The following FAF2 variants were observed in gnomAD, a reference collection of about 807,000 sequenced individuals.
FAF2 encodes Fas associated factor family member 2.
A neutral mutation model predicts 62.3 loss-of-function variants in FAF2; 9 were observed. The observed-to-expected ratio is 0.14, with a 90% CI of 0.09 to 0.25. The LOEUF is 0.25. Among genes scored for constraint, FAF2 ranks in the 10% least tolerant of loss-of-function variants. FAF2 has a pLI of 1.00. For synonymous variants in FAF2, 202 were observed against 198.0 expected, an observed-to-expected ratio of 1.02 and a Z score of -0.17; for missense variants, 368 against 556.2, an observed-to-expected ratio of 0.66 and a Z score of 3.40.
In FAF2 at chr5:176,450,700, C is replaced by T. The variant is rs1015885007; in HGVS notation, c.63+2230C>T. Among the ~76,000 whole-genome samples, 6 of 152,042 alleles carry T rather than the reference C, an allele frequency of 3.9e-5. 1 individual carries two copies. The highest frequency in any genetic ancestry group is 3.9e-4 in the Admixed American group (6 of 15,244). On this transcript the variant is annotated intron_variant, in intron 1 of 10. Transcript: ENST00000261942. The stretch of plus-strand genomic sequence containing the variant: ...TCTCGAGTAGCTGGGACTACAGGCA[C>T]GCGCCACCACATCCAGCGAATTTTT...
At position 176,468,375 on chromosome 5, in the gene FAF2, G is replaced by A. The variant is rs1223566462; in HGVS notation, c.64-10813G>A. On this transcript the variant is annotated intron_variant, in intron 1 of 10. Transcript: ENST00000261942. ...CGAGGCAGGTGGATCACTAGGCCAGGAGATCAAGACCATCCTGGCTAACAC... is the reference window on the plus strand; with the variant it reads ...CGAGGCAGGTGGATCACTAGGCCAGAAGATCAAGACCATCCTGGCTAACAC... Among the ~76,000 whole-genome samples, 5 of 151,978 alleles carry A rather than the reference G, an allele frequency of 3.3e-5. No individual in the cohort carries two copies. In the East Asian group the frequency reaches 9.7e-4, roughly 29 times the overall value.
At position 176,451,849 on chromosome 5, in the gene FAF2, TATATATACACATATATATATACACAC is replaced by T. The variant is rs1476670622; in HGVS notation, c.63+3387_63+3412del. On this transcript the variant is annotated intron_variant, in intron 1 of 10. Coordinates refer to ENST00000261942, the MANE Select transcript of FAF2 (RefSeq NM_014613.3). Reference sequence around the variant, plus strand: ...ATATACATATATATATATACACACATATATATACACATATATATATACACACATATATATATATATATATTTTTTTT... The same window carrying T: ...ATATACATATATATATATACACACATATATATATATATATATATTTTTTTT... Among the ~76,000 whole-genome samples the T allele has an allele frequency of 3.0e-3, 143 of 47,286 alleles. 9 individuals are homozygous for T. Among genetic ancestry groups the T allele is most frequent in the African/African-American group, 9.5e-3 (96 of 10,104 alleles). The allele number at this position is 47,286 out of a possible 152,430, so 31.0% of individuals were successfully genotyped here.
At chr5:176,477,051 G>T (rs541716623) in intron 1 of FAF2, among the ~76,000 whole-genome samples, 190 of 149,342 alleles carry the variant, frequency 1.3e-3, no homozygotes, top group Non-Finnish European at 1.8e-3. Flanking sequence ...TTCGTGATCC[G>T]CCCGCCTCGG....
At chr5:176,473,456 T>C (rs1758608574) in intron 1 of FAF2, among the ~76,000 whole-genome samples, 1 of 152,216 alleles carries the variant, frequency 6.6e-6, no homozygotes. Context: ...GTTTTGGCCT[T>C]GATCACCTAG....
At chr5:176,496,044 A>G (rs1034539229) in intron 7 of FAF2, among the ~76,000 whole-genome samples, 2 of 152,224 alleles carry the variant, frequency 1.3e-5, no homozygotes, top group Admixed American at 6.5e-5. Flanking sequence ...TTTTTGTACC[A>G]TCAAGTAGAC....
intron 1 of FAF2, among the ~76,000 whole-genome samples, chr5:176,459,237 A>C (rs1213004073): frequency 6.7e-6 from 1 of 149,520 alleles, no homozygotes; most frequent in Non-Finnish European, 1.5e-5. Flanking sequence ...AGAAAGCCAA[A>C]ATTCCAGTTA....
chr5:176,485,863 G>A (rs748959705), intron 2 of FAF2, among the ~76,000 whole-genome samples: 10 of 151,954 alleles, frequency 6.6e-5, no homozygotes, highest in Admixed American at 3.3e-4. Context: ...GAGCCACCGC[G>A]CCTGACCTGA....
rs1287022459 is a variant in FAF2 at position 176,495,572 on chromosome 5, T to G, written c.662-914T>G. Among the ~76,000 whole-genome samples the G allele has an allele frequency of 2.0e-5, 3 of 150,628 alleles. No homozygotes were observed. In the East Asian group the frequency reaches 5.8e-4, roughly 29 times the overall value. ...TGTCACCCAGGTTGGAGTGCAGTGG[T>G]GCGATCTCAGTTCACTGCAGCCTCC... On this transcript the variant is annotated intron_variant, in intron 7 of 10. Transcript: ENST00000261942.
chr5:176,502,528 C>T (rs1477894677), intron 10 of FAF2, among the ~76,000 whole-genome samples: 2 of 151,454 alleles, frequency 1.3e-5, no homozygotes, highest in East Asian at 2.0e-4. Context: ...TGCGGTGAGC[C>T]GAGATCATGC....
At chr5:176,451,799 C>T (rs13354797) in intron 1 of FAF2, among the ~76,000 whole-genome samples, 3 of 47,586 alleles carry the variant, frequency 6.3e-5, no homozygotes, top group African/African-American at 2.6e-4. Flanking sequence ...TATATATATA[C>T]ATATATATAT....
At chr5:176,455,704 G>A (rs780511012) in intron 1 of FAF2, among the ~76,000 whole-genome samples, 4 of 151,994 alleles carry the variant, frequency 2.6e-5, no homozygotes, top group East Asian at 1.9e-4. Context: ...AGCCAAGGTC[G>A]CACTAGTGCA....
chr5:176,457,877 C>G (rs1758303874), intron 1 of FAF2, among the ~76,000 whole-genome samples: 1 of 152,094 alleles, frequency 6.6e-6, no homozygotes, highest in African/African-American at 2.4e-5. Flanking sequence ...TTTGTAAATT[C>G]TTATTGGAGT....
chr5:176,504,055 C>T (rs113580699), intron 10 of FAF2, among the ~76,000 whole-genome samples: 143 of 151,460 alleles, frequency 9.4e-4, no homozygotes, highest in African/African-American at 3.3e-3. Flanking sequence ...TACAGTAAGC[C>T]GAGATCGTGC....
rs1042757619 is a variant in FAF2, at chr5:176,498,891, T to C, written c.840-23T>C. On this transcript the variant is annotated intron_variant, in intron 8 of 10. Coordinates refer to ENST00000261942, the MANE Select transcript of FAF2 (RefSeq NM_014613.3). Reference sequence around the variant, plus strand: ...CTTTGTGAGAGTGCTGTTTTTCTTCTCTTGCTTTTGATCTATTCACAGGGA... The same window carrying C: ...CTTTGTGAGAGTGCTGTTTTTCTTCCCTTGCTTTTGATCTATTCACAGGGA... 3.3e-6 allele frequency: 5 copies of C among 1,520,466 alleles called. No homozygotes were observed. The Admixed American group carries it at 1.1e-4, about 32-fold the overall frequency. 94.2% of individuals were successfully genotyped at this position (1,520,466 alleles called of 1,614,324 possible).
intron 1 of FAF2, among the ~76,000 whole-genome samples, chr5:176,468,403 T>C (rs1013088229): frequency 7.9e-5 from 12 of 151,944 alleles, no homozygotes; most frequent in African/African-American, 2.9e-4. Flanking sequence ...GCTAACACGG[T>C]GAAACCCCGT....
rs990244572 is a variant in FAF2 at position 176,507,418 on chromosome 5, A to G, written c.*468A>G. On this transcript the variant is annotated 3_prime_UTR_variant, in exon 11 of 11. Coordinates refer to ENST00000261942, the MANE Select transcript of FAF2 (RefSeq NM_014613.3). ...GGGGAAGAGAGGGAAGAGAAAGCAC[A>G]GAGCAGAGAAGCAGAGATGTTCCTT... 5.1e-5 allele frequency: 21 copies of G among 411,050 alleles called. No homozygotes were observed. The highest frequency in any genetic ancestry group is 8.8e-5 in the Non-Finnish European group (18 of 204,376). 25.5% of individuals were successfully genotyped at this position (411,050 alleles called of 1,614,324 possible).
chr5:176,482,796 G>A (rs1022326810), intron 2 of FAF2, among the ~76,000 whole-genome samples: 4 of 152,156 alleles, frequency 2.6e-5, no homozygotes, highest in Non-Finnish European at 4.4e-5. Context: ...GATTCCAGAC[G>A]TGAGCCACCA....
intron 2 of FAF2, among the ~76,000 whole-genome samples, chr5:176,482,002 C>G (rs1758789707): frequency 1.3e-5 from 2 of 152,012 alleles, no homozygotes; most frequent in African/African-American, 4.8e-5. Flanking sequence ...TGAATTTCTC[C>G]ACACCCTCAC....
chr5:176,493,922 T>C lies in FAF2; in HGVS notation c.484-77T>C, dbSNP rs1759017912. ...TTTTGTTCCTAAATACATAACTGTA[T>C]CCATTAGGACCCTTAGCTTAAATAT... On this transcript the variant is annotated intron_variant, in intron 5 of 10. Coordinates refer to ENST00000261942, the MANE Select transcript of FAF2 (RefSeq NM_014613.3). 27 of 932,994 alleles carry C rather than the reference T, an allele frequency of 2.9e-5. 1 individual carries two copies. In the South Asian group the frequency reaches 3.7e-4, roughly 13 times the overall value. 57.8% of individuals were successfully genotyped at this position (932,994 alleles called of 1,614,324 possible).
Sources: gnomAD v4.1 joint callset for allele counts (sites outside exome capture counted in the v4.1 genomes callset) on GRCh38, gnomAD v4.1.1 for gene constraint, MANE v1.5 for transcripts, NCBI Gene and HGNC (gene_info 2026-07-23, HGNC 2026-07-21) for gene names.